Variants in CDC73 observed in about 807,000 individuals in gnomAD.
The protein encoded by CDC73 is parafibromin.
Under a neutral mutation model 83.7 loss-of-function variants are expected in CDC73, and 21 were observed. The observed-to-expected ratio is 0.25, with a 90% CI of 0.18 to 0.36. The LOEUF is 0.36. Ranked by LOEUF, CDC73 falls within the 10% of genes least tolerant of loss-of-function variation. The pLI is 1.00. For missense variants in CDC73, 342 were observed against 653.3 expected, an observed-to-expected ratio of 0.52 and a Z score of 5.19; for synonymous variants, 224 against 212.9, an observed-to-expected ratio of 1.05 and a Z score of -0.45.
chr1:193,134,059 A>G (rs553928935), intron 3 of CDC73, among the ~76,000 whole-genome samples: 73 of 152,268 alleles, frequency 4.8e-4, no homozygotes, highest in African/African-American at 1.7e-3. Context: ...GCAGCAGTCT[A>G]ACATTACAAA....
intron 7 of CDC73, 140 bp downstream of exon 7, chr1:193,142,206 G>A (rs2103126759): frequency 1.4e-6 from 1 of 737,110 alleles, no homozygotes; most frequent in Non-Finnish European, 2.4e-6. Flanking sequence ...CAGTAATAAT[G>A]TAGATTTCCA....
intron 16 of CDC73, 131 bp from the exon 17 acceptor site, chr1:193,250,545 G>A (rs1473649183): frequency 1.5e-6 from 1 of 671,944 alleles, no homozygotes; most frequent in East Asian, 2.7e-5. Flanking sequence ...TATATTTCCA[G>A]TTTTCTAGAA....
At chr1:193,170,092 C>T (rs1363781827) in intron 10 of CDC73, among the ~76,000 whole-genome samples, 1 of 152,076 alleles carries the variant, frequency 6.6e-6, no homozygotes, top group Non-Finnish European at 1.5e-5. Context: ...ATAATGGTCT[C>T]TAGCTCCATC....
At chr1:193,155,567 C>G (rs1462309054) in intron 10 of CDC73, among the ~76,000 whole-genome samples, 2 of 152,154 alleles carry the variant, frequency 1.3e-5, no homozygotes, top group African/African-American at 2.4e-5. Context: ...CACTTGAAGC[C>G]AGGAGTTCAA....
chr1:193,160,102 A>G (rs908617902), intron 10 of CDC73, among the ~76,000 whole-genome samples: 1 of 152,158 alleles, frequency 6.6e-6, no homozygotes, highest in African/African-American at 2.4e-5. Flanking sequence ...ATTCAACTCA[A>G]TTTAGCTTTG....
intron 10 of CDC73, among the ~76,000 whole-genome samples, chr1:193,197,801 C>T (rs1254586914): frequency 6.6e-6 from 1 of 151,878 alleles, no homozygotes; most frequent in Non-Finnish European, 1.5e-5. Context: ...TGGTGCACGC[C>T]TGCACTCCCA....
At chr1:193,137,141 T>A (rs1675815883) in intron 5 of CDC73, among the ~76,000 whole-genome samples, 1 of 152,232 alleles carries the variant, frequency 6.6e-6, no homozygotes, top group Admixed American at 6.5e-5. Context: ...GATAAAAATC[T>A]AGGCTGCAGT....
chr1:193,160,951 G>A (rs1676298052), intron 10 of CDC73, among the ~76,000 whole-genome samples: 1 of 151,716 alleles, frequency 6.6e-6, no homozygotes, highest in Admixed American at 6.6e-5. Context: ...AGATTTTTGA[G>A]TGACTTTTTA....
chr1:193,164,172 T>G (rs1368710785), intron 10 of CDC73, among the ~76,000 whole-genome samples: 1 of 152,210 alleles, frequency 6.6e-6, no homozygotes, highest in Non-Finnish European at 1.5e-5. Context: ...CGAAGACTAG[T>G]CCATAGTACA....
At chr1:193,186,491 T>G (rs1040841411) in intron 10 of CDC73, 5 of 152,622 alleles carry the variant, frequency 3.3e-5, no homozygotes, top group African/African-American at 4.8e-5. Context: ...GATTTACCTC[T>G]CTTCTTTCGT....
At chr1:193,142,713 A>G (rs771629622) in intron 7 of CDC73, among the ~76,000 whole-genome samples, 7 of 151,930 alleles carry the variant, frequency 4.6e-5, no homozygotes, top group African/African-American at 7.3e-5. Flanking sequence ...AATGCATTAG[A>G]AAACATTGTT....
chr1:193,235,446 C>G (rs1677740322), intron 14 of CDC73, among the ~76,000 whole-genome samples: 1 of 152,176 alleles, frequency 6.6e-6, no homozygotes, highest in African/African-American at 2.4e-5. Flanking sequence ...AGTAAATGCT[C>G]AATAAATGCT....
rs577910755 is a variant in CDC73 at position 193,195,403 on chromosome 1, C to T, written c.973-8392C>T. On this transcript the variant is annotated intron_variant, in intron 10 of 16. Transcript: ENST00000367435. The stretch of plus-strand genomic sequence containing the variant: ...TATAATTTATCTGTTCATGTGTTGA[C>T]GTTCATTAGAGTTATTCCTACTTTT... Among the ~76,000 whole-genome samples the T allele has an allele frequency of 3.3e-5, 5 of 152,132 alleles. No homozygotes were observed. The East Asian group carries it at 5.8e-4, about 18-fold the overall frequency.
chr1:193,164,131 C>A (rs1189411264), intron 10 of CDC73, among the ~76,000 whole-genome samples: 1 of 152,192 alleles, frequency 6.6e-6, no homozygotes, highest in East Asian at 1.9e-4. Context: ...ATTACATTTA[C>A]ATTTTATATT....
intron 15 of CDC73, among the ~76,000 whole-genome samples, chr1:193,239,804 A>G (rs1361466998): frequency 6.6e-6 from 1 of 152,164 alleles, no homozygotes; most frequent in African/African-American, 2.4e-5. Flanking sequence ...ATTGTTAAGT[A>G]TAGCCTCCTA....
At chr1:193,247,687 C>G (rs1677977498) in intron 15 of CDC73, among the ~76,000 whole-genome samples, 1 of 152,020 alleles carries the variant, frequency 6.6e-6, no homozygotes, top group Admixed American at 6.6e-5. Flanking sequence ...GAAAGCAAAA[C>G]AACCTTATTG....
intron 1 of CDC73, among the ~76,000 whole-genome samples, chr1:193,123,245 T>G (rs1046236930): frequency 1.3e-5 from 2 of 152,196 alleles, no homozygotes; most frequent in Non-Finnish European, 2.9e-5. Context: ...TATTTATTTT[T>G]GAGAGGGAGT....
intron 10 of CDC73, among the ~76,000 whole-genome samples, 192 bp from the exon 11 acceptor site, chr1:193,203,603 A>T (rs1022743922): frequency 6.6e-6 from 1 of 152,224 alleles, no homozygotes; most frequent in Non-Finnish European, 1.5e-5. Flanking sequence ...ACTTAATAGC[A>T]TAAAAGATCA....
chr1:193,152,716 C>T (rs1004166340), intron 10 of CDC73, among the ~76,000 whole-genome samples: 1 of 152,158 alleles, frequency 6.6e-6, no homozygotes, highest in East Asian at 1.9e-4. Context: ...TATTTAAAGC[C>T]TTTAAGTTAT....
Sources: allele counts gnomAD v4.1 joint callset (sites outside exome capture counted in the v4.1 genomes callset), GRCh38; gene constraint gnomAD v4.1.1; transcripts MANE v1.5; gene names NCBI Gene and HGNC (gene_info 2026-07-23, HGNC 2026-07-21).